NUP62CL: variants seen among roughly 807,000 people sequenced by gnomAD.
NUP62CL encodes nucleoporin 62 C-terminal like.
In NUP62CL, 13 loss-of-function variants were observed where a neutral mutation model predicts 15.3. The ratio of observed to expected loss-of-function variants is 0.85; its 90% CI spans 0.55 to 1.35. The LOEUF is 1.35. NUP62CL is among the 40% of genes most tolerant of loss of function. The pLI is 0.00. For missense variants in NUP62CL, 123 were observed against 130.6 expected (o/e 0.94, Z 0.28); for synonymous variants, 54 against 49.2 (o/e 1.10, Z -0.41).
At chrX:107,165,989 C>A (rs992586072) in intron 4 of NUP62CL, among the ~76,000 whole-genome samples, 12 of 111,293 alleles carry the variant, frequency 1.1e-4, no homozygotes, top group African/African-American at 3.9e-4. Flanking sequence ...TCTTTGGGAT[C>A]TAGGGCTAAG....
At position 107,182,320 on chromosome X, in the gene NUP62CL, C is replaced by T. The variant is rs12556380; in HGVS notation, c.-47-7127G>A. On this transcript the variant is annotated intron_variant, in intron 2 of 8. Coordinates refer to ENST00000372466, the MANE Select transcript of NUP62CL (RefSeq NM_017681.3). The stretch of plus-strand genomic sequence containing the variant: ...AGTAGCATCTCCCTAGTCTTGACAA[C>T]CAAAAATGTCTCCAGATTTGGCCAA... Among the ~76,000 whole-genome samples the T allele has an allele frequency of 2.0e-4, 22 of 112,018 alleles. No homozygotes were observed. In the Admixed American group the frequency reaches 2.0e-3, roughly 10 times the overall value.
intron 2 of NUP62CL, among the ~76,000 whole-genome samples, chrX:107,179,190 T>C (rs778161641): frequency 2.7e-5 from 3 of 112,194 alleles, no homozygotes; most frequent in Non-Finnish European, 5.6e-5. Flanking sequence ...ATTTTTAATA[T>C]GGGTTTCATT....
chrX:107,179,680 C>T (rs1294582991), intron 2 of NUP62CL, among the ~76,000 whole-genome samples: 1 of 112,098 alleles, frequency 8.9e-6, no homozygotes, highest in Non-Finnish European at 1.9e-5. Flanking sequence ...CTGCAATAAA[C>T]ATGTAAGTGC....
intron 3 of NUP62CL, among the ~76,000 whole-genome samples, chrX:107,173,178 C>CT (rs1211343586): frequency 7.1e-5 from 8 of 112,176 alleles, no homozygotes; most frequent in African/African-American, 2.6e-4. Flanking sequence ...TTTATATAGT[C>CT]TTTTTCATCT....
chrX:107,156,616 A>T (rs867230455), intron 4 of NUP62CL, among the ~76,000 whole-genome samples: 6 of 87,249 alleles, frequency 6.9e-5, no homozygotes, highest in Admixed American at 1.3e-4. Context: ...CATCCACACC[A>T]AAAACCCATC....
chrX:107,175,450 G>C (rs758638633), intron 2 of NUP62CL, among the ~76,000 whole-genome samples: 228 of 111,683 alleles, frequency 2.0e-3, no homozygotes, highest in Non-Finnish European at 3.5e-3. Flanking sequence ...AGTCCTAAGA[G>C]GGGGGATCCA....
chrX:107,201,536 T>A (rs895262694), intron 1 of NUP62CL, among the ~76,000 whole-genome samples: 2 of 110,282 alleles, frequency 1.8e-5, no homozygotes, highest in African/African-American at 3.3e-5. Context: ...GAGATTTTTT[T>A]AAAAGTGATT....
intron 2 of NUP62CL, among the ~76,000 whole-genome samples, chrX:107,183,795 G>A (rs1241994259): frequency 9.0e-6 from 1 of 111,401 alleles, no homozygotes; most frequent in African/African-American, 3.3e-5. Context: ...CTGCACTCAT[G>A]CTAGCAAACA....
chrX:107,140,379 A>G lies in NUP62CL; in HGVS notation c.*42+7364T>C, dbSNP rs774412269. ...TGTATCTGTTCAAGGCAGAGGTGCC[A>G]TTAATATTTATACCTCCTACACTGA... On this transcript the variant is annotated intron_variant, in intron 8 of 8. Coordinates refer to ENST00000372466, the MANE Select transcript of NUP62CL (RefSeq NM_017681.3). 7.2e-5 allele frequency among the ~76,000 whole-genome samples: 8 copies of G among 111,639 alleles called. No individual in the cohort carries two copies. In the East Asian group the frequency reaches 1.7e-3, roughly 23 times the overall value.
chrX:107,155,332 GTGTC>G (rs1421052816), intron 4 of NUP62CL, among the ~76,000 whole-genome samples: 1 of 112,451 alleles, frequency 8.9e-6, no homozygotes, highest in Non-Finnish European at 1.9e-5. Context: ...CCCTCCCCTT[GTGTC>G]AGTGGGGCCA....
At chrX:107,172,794 T>C (rs563502649) in intron 3 of NUP62CL, among the ~76,000 whole-genome samples, 4 of 112,496 alleles carry the variant, frequency 3.6e-5, no homozygotes, top group African/African-American at 1.3e-4. Context: ...GCAGCTGTTT[T>C]GCCTGTAGTC....
At position 107,123,452 on chromosome X, in the gene NUP62CL, G is replaced by A. The variant is rs368320528; in HGVS notation, c.*923C>T. On this transcript the variant is annotated 3_prime_UTR_variant, in exon 9 of 9. Transcript: ENST00000372466. ...TCTAGTCACTTAAAAACTTTTAATA[G>A]TTAATTTCAGTATTACATGTTTTTT... The A allele has an allele frequency of 1.8e-5, 2 of 111,137 alleles. No homozygotes were observed. The highest frequency in any genetic ancestry group is 5.6e-4 in the East Asian group (2 of 3,565). The allele number at this position is 111,137 out of a possible 1,213,427, so 9.2% of individuals were successfully genotyped here.
chrX:107,131,615 T>C (rs1258192814), intron 8 of NUP62CL: 2 of 478,600 alleles, frequency 4.2e-6, no homozygotes, highest in East Asian at 3.7e-5. Flanking sequence ...CAGTGACTAG[T>C]AGGCGAGGCG....
intron 4 of NUP62CL, among the ~76,000 whole-genome samples, chrX:107,156,250 G>C (rs1452726765): frequency 9.0e-6 from 1 of 110,672 alleles, no homozygotes; most frequent in African/African-American, 3.3e-5. Context: ...CAAAGCAGCC[G>C]GGAAGCTCCA....
chrX:107,153,070 T>C, intron 7 of NUP62CL, 102 bp downstream of exon 7: 1 of 754,076 alleles, frequency 1.3e-6, no homozygotes, highest in Non-Finnish European at 1.8e-6. Context: ...TCTACCGATT[T>C]GTATTCCTTG....
At chrX:107,138,368 GAATA>G (rs1227140152) in intron 8 of NUP62CL, among the ~76,000 whole-genome samples, 1 of 111,731 alleles carries the variant, frequency 9.0e-6, no homozygotes, top group Non-Finnish European at 1.9e-5. Flanking sequence ...CTAAGAAAAT[GAATA>G]GATAGGCTAC....
At chrX:107,161,345 C>T (rs1215712453) in intron 4 of NUP62CL, among the ~76,000 whole-genome samples, 6 of 99,404 alleles carry the variant, frequency 6.0e-5, no homozygotes, top group East Asian at 6.3e-4. Context: ...ATGTTTATTG[C>T]GGCATTATTC....
chrX:107,183,916 C>T (rs1926976422), intron 2 of NUP62CL, among the ~76,000 whole-genome samples: 1 of 110,400 alleles, frequency 9.1e-6, no homozygotes, highest in Non-Finnish European at 1.9e-5. Context: ...TTCATCCCTG[C>T]CAGCAGTTAA....
intron 4 of NUP62CL, among the ~76,000 whole-genome samples, chrX:107,164,735 T>C (rs1286130508): frequency 8.9e-6 from 1 of 112,652 alleles, no homozygotes; most frequent in Non-Finnish European, 1.9e-5. Flanking sequence ...TCATCAAAGA[T>C]GAACTAGATA....
Sources: allele counts gnomAD v4.1 joint callset (sites outside exome capture counted in the v4.1 genomes callset), GRCh38; gene constraint gnomAD v4.1.1; transcripts MANE v1.5; gene names NCBI Gene and HGNC (gene_info 2026-07-23, HGNC 2026-07-21).